RPS6KC1: variants seen among roughly 807,000 people sequenced by gnomAD.
RPS6KC1 encodes the protein ribosomal protein S6 kinase C1.
Under a neutral mutation model 103.8 loss-of-function variants are expected in RPS6KC1, and 54 were observed. That is an observed-to-expected ratio of 0.52 (90% confidence interval 0.42 to 0.65). RPS6KC1 has a LOEUF of 0.65. Ranked by LOEUF, RPS6KC1 falls within the 30% of genes least tolerant of loss-of-function variation. RPS6KC1 has a pLI of 0.00. For missense variants in RPS6KC1, 1,151 were observed against 1,253.8 expected (o/e 0.92, Z 1.24); for synonymous variants, 439 against 438.7 (o/e 1.00, Z -0.01).
chr1:213,851,520 G>A, the RPS6KC1 span, among the ~76,000 whole-genome samples: 1 of 152,108 alleles, frequency 6.6e-6, no homozygotes, highest in South Asian at 2.1e-4. Context: ...TTTTAGCACT[G>A]TTTTTATTTC....
At chr1:213,718,643 A>C in the RPS6KC1 span, among the ~76,000 whole-genome samples, 74,438 of 152,056 alleles carry the variant, frequency 0.49, 18,525 homozygotes, top group South Asian at 0.6. Context: ...CCCAAGGAAC[A>C]TTGTTCCTTC....
intron 8 of RPS6KC1, chr1:213,205,222 C>G (rs2093303157): frequency 1.0e-6 from 1 of 983,376 alleles, no homozygotes; most frequent in African/African-American, 1.7e-5. Flanking sequence ...TTTTAATCTA[C>G]TCTACTGATT....
the RPS6KC1 span, among the ~76,000 whole-genome samples, chr1:213,497,616 T>A: frequency 6.6e-6 from 1 of 152,254 alleles, no homozygotes; most frequent in South Asian, 2.1e-4. Context: ...GGTTTTAGTA[T>A]AAAGAATTAA....
At chr1:213,739,844 G>A in the RPS6KC1 span, among the ~76,000 whole-genome samples, 24 of 152,196 alleles carry the variant, frequency 1.6e-4, no homozygotes, top group African/African-American at 5.3e-4. Context: ...TATGCCCCCC[G>A]TGCTCTATTG....
intron 8 of RPS6KC1, among the ~76,000 whole-genome samples, chr1:213,222,150 C>T (rs958716631): frequency 6.6e-6 from 1 of 152,140 alleles, no homozygotes; most frequent in Non-Finnish European, 1.5e-5. Flanking sequence ...GCAGTGGGTA[C>T]AGGGAACATT....
chr1:213,366,642 G>T, the RPS6KC1 span, among the ~76,000 whole-genome samples: 1 of 152,230 alleles, frequency 6.6e-6, no homozygotes, highest in Admixed American at 6.5e-5. Flanking sequence ...CAGACAGTGG[G>T]CTGGATTATA....
intron 1 of RPS6KC1, among the ~76,000 whole-genome samples, chr1:213,064,460 C>T (rs1047259015): frequency 9.9e-5 from 15 of 151,704 alleles, no homozygotes; most frequent in Admixed American, 3.3e-4. Context: ...CTCCACCTCC[C>T]GGGTTCAAGC....
At chr1:213,239,542 T>C (rs1374876054) in intron 10 of RPS6KC1, among the ~76,000 whole-genome samples, 1 of 151,860 alleles carries the variant, frequency 6.6e-6, no homozygotes, top group Admixed American at 6.6e-5. Flanking sequence ...ATTTTTGATG[T>C]TTCCGTTGAC....
At chr1:213,155,097 A>G (rs573514083) in intron 6 of RPS6KC1, among the ~76,000 whole-genome samples, 33 of 152,212 alleles carry the variant, frequency 2.2e-4, no homozygotes, top group Non-Finnish European at 3.8e-4. Context: ...CCAGTGCCCT[A>G]TCTTGCTATG....
the RPS6KC1 span, among the ~76,000 whole-genome samples, chr1:213,586,128 A>G: frequency 1.3e-5 from 2 of 152,226 alleles, no homozygotes; most frequent in African/African-American, 4.8e-5. Flanking sequence ...TTTGCCATCC[A>G]TGGTGACCTT....
chr1:213,353,774 C>T, the RPS6KC1 span, among the ~76,000 whole-genome samples: 1 of 152,118 alleles, frequency 6.6e-6, no homozygotes, highest in African/African-American at 2.4e-5. Flanking sequence ...CAATTGCAAG[C>T]AATTTTTTGG....
the RPS6KC1 span, among the ~76,000 whole-genome samples, chr1:213,624,734 C>T: frequency 0.059 from 9,048 of 152,166 alleles, 573 homozygotes; most frequent in East Asian, 0.29. Flanking sequence ...TGCTCAGGAT[C>T]CCTCTTTTTG....
chr1:213,226,177 C>T (rs1326903223), intron 8 of RPS6KC1, among the ~76,000 whole-genome samples: 5 of 148,544 alleles, frequency 3.4e-5, no homozygotes, highest in East Asian at 4.0e-4. Flanking sequence ...GAGCGGAGAT[C>T]GCACCACTGC....
At chr1:213,719,679 C>T in the RPS6KC1 span, among the ~76,000 whole-genome samples, 3 of 152,148 alleles carry the variant, frequency 2.0e-5, no homozygotes, top group East Asian at 1.9e-4. Context: ...AGGATGTGGT[C>T]TCTGTCCCTG....
the RPS6KC1 span, among the ~76,000 whole-genome samples, chr1:213,517,124 C>T: frequency 6.6e-6 from 1 of 152,036 alleles, no homozygotes; most frequent in Non-Finnish European, 1.5e-5. Context: ...CTGTTTTCTT[C>T]TGTATTAGTC....
At chr1:213,740,052 G>C in the RPS6KC1 span, among the ~76,000 whole-genome samples, 5 of 152,174 alleles carry the variant, frequency 3.3e-5, no homozygotes, top group African/African-American at 1.2e-4. Flanking sequence ...TAATAGAATA[G>C]AGATAATGAT....
At chr1:213,603,715 C>T in the RPS6KC1 span, among the ~76,000 whole-genome samples, 3,342 of 151,928 alleles carry the variant, frequency 0.022, 133 homozygotes, top group African/African-American at 0.076. Flanking sequence ...CAAAAATTAG[C>T]CGGGCATCAT....
At chr1:213,459,566 G>GT in the RPS6KC1 span, among the ~76,000 whole-genome samples, 553 of 151,976 alleles carry the variant, frequency 3.6e-3, 4 homozygotes, top group African/African-American at 0.012. Context: ...TTTTTGGAGG[G>GT]TTTTTTTCTG....
the RPS6KC1 span, among the ~76,000 whole-genome samples, chr1:213,780,160 T>C: frequency 6.6e-6 from 1 of 152,164 alleles, no homozygotes; most frequent in Non-Finnish European, 1.5e-5. Flanking sequence ...TCAAGTAAGA[T>C]GGTATCTGGA....
Sources: allele counts gnomAD v4.1 joint callset (sites outside exome capture counted in the v4.1 genomes callset), GRCh38; gene constraint gnomAD v4.1.1; transcripts MANE v1.5; gene names NCBI Gene and HGNC (gene_info 2026-07-23, HGNC 2026-07-21).